Variants in NOX4 observed in about 807,000 individuals in gnomAD.
The protein encoded by NOX4 is NADPH oxidase 4.
A neutral mutation model predicts 87.6 loss-of-function variants in NOX4; 69 were observed. The ratio of observed to expected loss-of-function variants is 0.79; its 90% CI spans 0.65 to 0.96. The LOEUF is 0.96. Ranked by LOEUF, NOX4 falls within the 40% of genes least tolerant of loss-of-function variation. NOX4 has a pLI of 0.00. For missense variants in NOX4, 680 were observed against 681.5 expected (o/e 1.00, Z 0.02); for synonymous variants, 275 against 238.2 (o/e 1.15, Z -1.42).
At chr11:89,551,537 C>G in the NOX4 span, among the ~76,000 whole-genome samples, 1 of 152,184 alleles carries the variant, frequency 6.6e-6, no homozygotes, top group Middle Eastern at 3.4e-3. Context: ...AGGTTGGATT[C>G]CTAGGTATTT....
At chr11:89,528,868 T>C in the NOX4 span, among the ~76,000 whole-genome samples, 2 of 152,218 alleles carry the variant, frequency 1.3e-5, no homozygotes, top group Non-Finnish European at 2.9e-5. Context: ...AATTTATCTA[T>C]CTATCTTTAT....
At chr11:89,515,327 C>A in the NOX4 span, among the ~76,000 whole-genome samples, 1 of 151,766 alleles carries the variant, frequency 6.6e-6, no homozygotes, top group Non-Finnish European at 1.5e-5. Context: ...TGCTGAACAT[C>A]TTTTTCATAT....
chr11:89,367,358 T>C (rs148380231), intron 12 of NOX4, among the ~76,000 whole-genome samples: 1 of 152,188 alleles, frequency 6.6e-6, no homozygotes, highest in Non-Finnish European at 1.5e-5. Flanking sequence ...ACAGGAAGAA[T>C]TTAGCAATAG....
chr11:89,394,431 T>G lies in NOX4; in HGVS notation c.1074+5586A>C, dbSNP rs191243023. On this transcript the variant is annotated intron_variant, in intron 11 of 17. Transcript: ENST00000263317. ...TCTTTTCTTATTCCATATTTCCTAT[T>G]TAATGTTATGGTGAAGAAATGATTT... Among the ~76,000 whole-genome samples, 13 of 152,250 alleles carry G rather than the reference T, an allele frequency of 8.5e-5. No individual in the cohort carries two copies. In the East Asian group the frequency reaches 1.9e-3, roughly 23 times the overall value.
the NOX4 span, among the ~76,000 whole-genome samples, chr11:89,587,925 A>T: frequency 6.6e-6 from 1 of 152,172 alleles, no homozygotes; most frequent in Admixed American, 6.6e-5. Context: ...TACAATAATC[A>T]GTAACTTTAT....
intron 12 of NOX4, among the ~76,000 whole-genome samples, chr11:89,367,933 C>A (rs1337949978): frequency 3.9e-5 from 6 of 152,012 alleles, no homozygotes; most frequent in African/African-American, 1.4e-4. Flanking sequence ...AATAATCCCC[C>A]ACTCTAGGCA....
rs188005628 is a variant in NOX4 at position 89,487,191 on chromosome 11, A to G, written c.153+3267T>C. ...AATCCTAGCTCTGACACTGACCATT[A>G]AAAGGTATTTCAGCGAGTCATACAG... is the stretch of plus-strand genomic sequence containing the variant. On this transcript the variant is annotated intron_variant, in intron 2 of 17. Coordinates refer to ENST00000263317, the MANE Select transcript of NOX4 (RefSeq NM_016931.5). Among the ~76,000 whole-genome samples, 3 of 152,284 alleles carry G rather than the reference A, an allele frequency of 2.0e-5. No homozygotes were observed. In the South Asian group the frequency reaches 6.2e-4, roughly 32 times the overall value.
At chr11:89,425,014 G>C (rs1943299669) in intron 7 of NOX4, among the ~76,000 whole-genome samples, 1 of 152,068 alleles carries the variant, frequency 6.6e-6, no homozygotes, top group South Asian at 2.1e-4. Context: ...AGATTAGGAA[G>C]GGCTTAAATT....
intron 14 of NOX4, among the ~76,000 whole-genome samples, 199 bp downstream of exon 14, chr11:89,341,875 T>C (rs1196118245): frequency 6.6e-6 from 1 of 152,188 alleles, no homozygotes; most frequent in African/African-American, 2.4e-5. Flanking sequence ...TATGACATCT[T>C]TCTACAAGAG....
chr11:89,532,383 C>G, the NOX4 span, among the ~76,000 whole-genome samples: 1 of 152,140 alleles, frequency 6.6e-6, no homozygotes, highest in Non-Finnish European at 1.5e-5. Context: ...TCAAAGGAGA[C>G]TATTTTGGAG....
upstream of NOX4, among the ~76,000 whole-genome samples, chr11:89,495,502 A>G (rs2135507206): frequency 6.6e-6 from 1 of 152,214 alleles, no homozygotes; most frequent in East Asian, 1.9e-4. Context: ...CCAGGATAAT[A>G]TCCCTATGCA....
intron 8 of NOX4, among the ~76,000 whole-genome samples, chr11:89,413,503 A>C (rs530334548): frequency 6.6e-6 from 1 of 152,266 alleles, no homozygotes; most frequent in South Asian, 2.1e-4. Context: ...AGCCACAAAA[A>C]GGAGATCCTC....
At chr11:89,417,442 C>T (rs1178034671) in intron 8 of NOX4, among the ~76,000 whole-genome samples, 4 of 151,804 alleles carry the variant, frequency 2.6e-5, no homozygotes, top group Non-Finnish European at 5.9e-5. Context: ...TAGCAACCTC[C>T]CAAAAAGGTA....
chr11:89,367,460 G>A (rs970768167), intron 12 of NOX4, among the ~76,000 whole-genome samples: 9 of 151,990 alleles, frequency 5.9e-5, no homozygotes, highest in South Asian at 2.1e-4. Context: ...ATGTACCATC[G>A]CCAGACCTTT....
intron 8 of NOX4, among the ~76,000 whole-genome samples, chr11:89,420,023 A>T (rs1390611385): frequency 3.9e-5 from 6 of 152,134 alleles, no homozygotes; most frequent in Non-Finnish European, 8.8e-5. Context: ...AGATAAAGGC[A>T]TTTAAACAAA....
the NOX4 span, among the ~76,000 whole-genome samples, chr11:89,554,877 T>C: frequency 1.2e-4 from 19 of 152,178 alleles, no homozygotes; most frequent in African/African-American, 4.6e-4. Flanking sequence ...AATCAAACTT[T>C]ATGCTTTATT....
intron 11 of NOX4, among the ~76,000 whole-genome samples, chr11:89,374,469 C>T (rs897673976): frequency 6.6e-6 from 1 of 152,108 alleles, no homozygotes; most frequent in African/African-American, 2.4e-5. Flanking sequence ...CTGCGACTAC[C>T]CAGCTTTTAT....
chr11:89,550,068 C>T, the NOX4 span, among the ~76,000 whole-genome samples: 4 of 152,228 alleles, frequency 2.6e-5, no homozygotes, highest in East Asian at 1.9e-4. Flanking sequence ...CTTGAGGAAT[C>T]GCCACACCAT....
intron 2 of NOX4, among the ~76,000 whole-genome samples, chr11:89,489,956 A>G (rs1446476180): frequency 6.6e-6 from 1 of 152,208 alleles, no homozygotes; most frequent in East Asian, 1.9e-4. Flanking sequence ...AGAATACTGG[A>G]ATATCATCAG....
Sources: allele counts gnomAD v4.1 joint callset (sites outside exome capture counted in the v4.1 genomes callset), GRCh38; gene constraint gnomAD v4.1.1; transcripts MANE v1.5; gene names NCBI Gene and HGNC (gene_info 2026-07-23, HGNC 2026-07-21).